GRM1: variants seen among roughly 807,000 people sequenced by gnomAD.
GRM1 encodes the protein glutamate metabotropic receptor 1.
In GRM1, 33 loss-of-function variants were observed where a neutral mutation model predicts 90.9. That is an observed-to-expected ratio of 0.36 (90% confidence interval 0.28 to 0.49). GRM1 has a LOEUF of 0.49. Ranked by LOEUF, GRM1 falls within the 20% of genes least tolerant of loss-of-function variation. The pLI is 0.99. For synonymous variants in GRM1, 700 were observed against 613.2 expected (o/e 1.14, Z -2.09); for missense variants, 1,190 against 1,534.3 (o/e 0.78, Z 3.75).
At chr6:146,391,395 A>G (rs1160798166) in intron 6 of GRM1, among the ~76,000 whole-genome samples, 2 of 152,058 alleles carry the variant, frequency 1.3e-5, no homozygotes, top group African/African-American at 4.8e-5. Context: ...AACATTTGCC[A>G]GGACCTCAAG....
At chr6:146,204,479 T>C (rs933444634) in intron 2 of GRM1, among the ~76,000 whole-genome samples, 7 of 152,322 alleles carry the variant, frequency 4.6e-5, no homozygotes, top group African/African-American at 1.4e-4. Context: ...GCACGGTCTA[T>C]TGTTAACATT....
intron 2 of GRM1, among the ~76,000 whole-genome samples, chr6:146,186,458 G>A (rs1243252852): frequency 6.6e-6 from 1 of 151,980 alleles, no homozygotes; most frequent in Admixed American, 6.6e-5. Flanking sequence ...TTTGTTTTCT[G>A]ACCAAATTTC....
At chr6:146,156,632 C>T (rs894141076) in intron 1 of GRM1, among the ~76,000 whole-genome samples, 2 of 152,178 alleles carry the variant, frequency 1.3e-5, no homozygotes, top group Non-Finnish European at 2.9e-5. Flanking sequence ...TAGCTCTTTC[C>T]TACTGTTCTT....
At chr6:146,150,787 G>A (rs1343691944) in intron 1 of GRM1, among the ~76,000 whole-genome samples, 1 of 152,066 alleles carries the variant, frequency 6.6e-6, no homozygotes, top group African/African-American at 2.4e-5. Flanking sequence ...TCCCACAAAT[G>A]AGTGAGAATA....
At chr6:146,389,682 G>A (rs1393646732) in intron 6 of GRM1, among the ~76,000 whole-genome samples, 2 of 152,072 alleles carry the variant, frequency 1.3e-5, no homozygotes, top group Non-Finnish European at 2.9e-5. Flanking sequence ...ACATTCAAAT[G>A]AGTTGAGCCA....
At chr6:146,389,348 C>G (rs1209058616) in intron 6 of GRM1, among the ~76,000 whole-genome samples, 1 of 152,030 alleles carries the variant, frequency 6.6e-6, no homozygotes, top group Non-Finnish European at 1.5e-5. Flanking sequence ...TGCTCTATTT[C>G]ATTTTCATTA....
In GRM1 at chr6:146,434,621, T is replaced by G. The variant is rs929557523; in HGVS notation, c.3410T>G (p.Leu1137Arg). The change falls in exon 8 of 8, where the codon CTG becomes CGG. Residue 1137 changes from leucine to arginine, a missense_variant. Leu to Arg is a moderately radical substitution (Grantham distance 102). Transcript: ENST00000282753. ...EEEDLQAASKLTPDDSPALTP... is the reference protein window; with the variant it reads ...EEEDLQAASKRTPDDSPALTP... ...GAGGACCTGCAGGCGGCCAGCAAAC[T>G]GACCCCGGATGATTCGCCTGCGCTG... 10 of 1,612,368 alleles carry G rather than the reference T, an allele frequency of 6.2e-6. No individual in the cohort carries two copies. The highest frequency in any genetic ancestry group is 8.5e-6 in the Non-Finnish European group (10 of 1,180,004).
intron 1 of GRM1, among the ~76,000 whole-genome samples, chr6:146,126,979 T>C (rs539503789): frequency 6.6e-6 from 1 of 152,296 alleles, no homozygotes; most frequent in Admixed American, 6.5e-5. Context: ...TACAAAATTA[T>C]ATTACACTTG....
chr6:146,408,179 TGTATC>T (rs1777420335), intron 7 of GRM1, among the ~76,000 whole-genome samples: 1 of 152,132 alleles, frequency 6.6e-6, no homozygotes, highest in Admixed American at 6.5e-5. Flanking sequence ...AGCTCTCTCC[TGTATC>T]TTCATTAGGG....
intron 5 of GRM1, among the ~76,000 whole-genome samples, chr6:146,386,191 T>A (rs931765244): frequency 6.6e-6 from 1 of 152,068 alleles, no homozygotes; most frequent in Non-Finnish European, 1.5e-5. Flanking sequence ...ATGTTTATTT[T>A]TGTACTATGG....
chr6:146,200,623 T>G (rs569064793), intron 2 of GRM1, among the ~76,000 whole-genome samples: 1 of 152,288 alleles, frequency 6.6e-6, no homozygotes, highest in South Asian at 2.1e-4. Flanking sequence ...CTTGTATTAC[T>G]TCTGGGACCC....
intron 1 of GRM1, among the ~76,000 whole-genome samples, chr6:146,141,374 G>T (rs1776875729): frequency 6.6e-6 from 1 of 151,522 alleles, no homozygotes; most frequent in Non-Finnish European, 1.5e-5. Flanking sequence ...TCTTCTTTGG[G>T]TTAAATCTGC....
At chr6:146,077,267 C>G (rs1019957804) in intron 1 of GRM1, among the ~76,000 whole-genome samples, 1 of 152,192 alleles carries the variant, frequency 6.6e-6, no homozygotes, top group Non-Finnish European at 1.5e-5. Flanking sequence ...ACCACCATTG[C>G]TAACGCACAC....
intron 1 of GRM1, among the ~76,000 whole-genome samples, chr6:146,035,412 C>T (rs565243328): frequency 6.6e-5 from 10 of 152,052 alleles, no homozygotes; most frequent in South Asian, 2.1e-4. Flanking sequence ...GATATTGTTA[C>T]GAGATACTTT....
At chr6:146,097,085 A>C (rs1776898699) in intron 1 of GRM1, among the ~76,000 whole-genome samples, 1 of 152,152 alleles carries the variant, frequency 6.6e-6, no homozygotes, top group Non-Finnish European at 1.5e-5. Flanking sequence ...ATACTCCAAA[A>C]AGTTGATATT....
intron 6 of GRM1, among the ~76,000 whole-genome samples, chr6:146,387,689 G>A (rs1776559119): frequency 6.6e-6 from 1 of 151,992 alleles, no homozygotes; most frequent in African/African-American, 2.4e-5. Context: ...CAAGTATGTG[G>A]GGTTGGTAGG....
intron 5 of GRM1, among the ~76,000 whole-genome samples, chr6:146,373,688 C>T (rs764800155): frequency 3.9e-5 from 6 of 152,106 alleles, no homozygotes; most frequent in African/African-American, 1.4e-4. Context: ...TATAGAAATG[C>T]TACTGATTTT....
At chr6:146,060,484 A>C (rs1412440967) in intron 1 of GRM1, among the ~76,000 whole-genome samples, 1 of 152,126 alleles carries the variant, frequency 6.6e-6, no homozygotes, top group Admixed American at 6.6e-5. Flanking sequence ...GCCATTTATA[A>C]ATGAGAACAT....
At chr6:146,193,914 A>T (rs1779019527) in intron 2 of GRM1, among the ~76,000 whole-genome samples, 1 of 151,758 alleles carries the variant, frequency 6.6e-6, no homozygotes, top group Admixed American at 6.6e-5. Flanking sequence ...AGGTCTTAGG[A>T]CATGGACATT....
Sources: gnomAD v4.1 joint callset for allele counts (sites outside exome capture counted in the v4.1 genomes callset) on GRCh38, gnomAD v4.1.1 for gene constraint, MANE v1.5 for transcripts, NCBI Gene and HGNC (gene_info 2026-07-23, HGNC 2026-07-21) for gene names.